The following LARP1B variants were observed in gnomAD, a reference collection of about 807,000 sequenced individuals.
LARP1B encodes La ribonucleoprotein 1B.
Under a neutral mutation model 114.2 loss-of-function variants are expected in LARP1B, and 76 were observed. The observed-to-expected ratio is 0.67, with a 90% CI of 0.55 to 0.81. The LOEUF is 0.81. Among genes scored for constraint, LARP1B ranks in the 30% least tolerant of loss-of-function variants. The probability of loss-of-function intolerance (pLI) is 0.00; values close to 1 mark genes in which losing one functional copy is unlikely to be tolerated. For synonymous variants in LARP1B, 345 were observed against 348.0 expected (o/e 0.99, Z 0.10); for missense variants, 1,014 against 1,075.8 (o/e 0.94, Z 0.80).
At chr4:128,153,518 C>G (rs1444641654) in intron 11 of LARP1B, among the ~76,000 whole-genome samples, 2 of 151,940 alleles carry the variant, frequency 1.3e-5, no homozygotes, top group Admixed American at 6.6e-5. Context: ...TTTGGCCAGG[C>G]TGGCCTCGAA....
intron 1 of LARP1B, among the ~76,000 whole-genome samples, chr4:128,062,448 G>A (rs1266019637): frequency 1.3e-5 from 2 of 152,230 alleles, no homozygotes; most frequent in African/African-American, 4.8e-5. Flanking sequence ...GGTTCTCCTT[G>A]CCTGATGGGG....
rs1039915476 is a variant in LARP1B, at chr4:128,211,584, G to T, written c.*1531G>T. 3.2e-6 allele frequency: 3 copies of T among 943,070 alleles called. No individual in the cohort carries two copies. Among genetic ancestry groups the T allele is most frequent in the South Asian group, 4.9e-5 (1 of 20,388 alleles). The allele number at this position is 943,070 out of a possible 1,614,324, so 58.4% of individuals were successfully genotyped here. A position where few individuals can be genotyped will look rare whatever the true frequency, so the allele number is the denominator to read the frequency against. ...TTTATTTAGATATATTGTAAAGAGG[G>T]TGCAAAACAAGCAATGGGTTAGAAT... On this transcript the variant is annotated 3_prime_UTR_variant, in exon 20 of 20. Transcript: ENST00000326639.
intron 12 of LARP1B, among the ~76,000 whole-genome samples, chr4:128,167,196 A>G (rs151272490): frequency 4.9e-4 from 75 of 151,892 alleles, no homozygotes; most frequent in Non-Finnish European, 8.8e-4. Flanking sequence ...ATATCTTTCT[A>G]TGGTGATGAT....
At chr4:128,062,282 C>T (rs1760445569) in intron 1 of LARP1B, 1 of 985,344 alleles carries the variant, frequency 1.0e-6, no homozygotes, top group Non-Finnish European at 1.2e-6. Context: ...GCGGGACTTG[C>T]CGGCGCGTGG....
At chr4:128,094,461 C>G (rs1235988733) in intron 7 of LARP1B, among the ~76,000 whole-genome samples, 6 of 142,370 alleles carry the variant, frequency 4.2e-5, no homozygotes, top group Non-Finnish European at 7.5e-5. Context: ...AGTACAGTGG[C>G]GCAATCTCGG....
intron 10 of LARP1B, among the ~76,000 whole-genome samples, chr4:128,120,236 A>G (rs1187076641): frequency 1.3e-5 from 2 of 152,132 alleles, no homozygotes; most frequent in South Asian, 2.1e-4. Flanking sequence ...ATGGATCTAC[A>G]TTATTGGGAA....
intron 8 of LARP1B, among the ~76,000 whole-genome samples, chr4:128,098,768 T>TATATATATATATATATATATATATATA (rs58280279): frequency 1.1e-4 from 2 of 18,878 alleles, no homozygotes; most frequent in Non-Finnish European, 9.2e-5. Flanking sequence ...TATATATATA[T>TATATATATATATATATATATATATATA]TTTTTTTTTT....
Position 128,117,709 on chromosome 4 carries a change from G to A in LARP1B, c.1161+2967G>A, listed in dbSNP as rs188973539. ...TAATTTTTGTATATTTAGTAGAGAC[G>A]TGGTTTCACTATGTTGGCCAGGCTG... On this transcript the variant is annotated intron_variant, in intron 10 of 19. Transcript: ENST00000326639. Among the ~76,000 whole-genome samples, 352 of 151,854 alleles carry A rather than the reference G, an allele frequency of 2.3e-3. 6 individuals carry two copies. Among genetic ancestry groups the A allele is most frequent in the Non-Finnish European group, 8.1e-4 (55 of 67,938 alleles).
intron 4 of LARP1B, among the ~76,000 whole-genome samples, chr4:128,079,650 A>G (rs1769477420): frequency 6.6e-6 from 1 of 151,910 alleles, no homozygotes; most frequent in African/African-American, 2.4e-5. Flanking sequence ...TGCAGCCTCG[A>G]TGACCTGGGC....
At chr4:128,088,248 A>G (rs562450077) in intron 5 of LARP1B, among the ~76,000 whole-genome samples, 1 of 152,234 alleles carries the variant, frequency 6.6e-6, no homozygotes, top group South Asian at 2.1e-4. Flanking sequence ...CCTGTTTAAG[A>G]AATGTATGTT....
intron 11 of LARP1B, chr4:128,123,422 A>G: frequency 1.1e-6 from 1 of 935,638 alleles, no homozygotes. Context: ...CAGAGATACT[A>G]GTACATTCTA....
chr4:128,160,675 G>A lies in LARP1B; in HGVS notation c.1525-1519G>A, dbSNP rs554604475. On this transcript the variant is annotated intron_variant, in intron 11 of 19. Coordinates refer to ENST00000326639, the MANE Select transcript of LARP1B (RefSeq NM_018078.4). ...ATACAATAATTATTTATAGAATTGG[G>A]AGTTGCTAATAGCAAGCTCTGTAGC... Among the ~76,000 whole-genome samples, 3 of 152,314 alleles carry A rather than the reference G, an allele frequency of 2.0e-5. No homozygotes were observed. In the East Asian group the frequency reaches 5.8e-4, roughly 29 times the overall value.
intron 17 of LARP1B, among the ~76,000 whole-genome samples, chr4:128,203,427 G>A (rs1037442319): frequency 2.7e-5 from 4 of 148,990 alleles, no homozygotes; most frequent in African/African-American, 5.0e-5. Context: ...AGGCTGGAGT[G>A]CAGTGTCGCG....
chr4:128,176,886 G>A lies in LARP1B; in HGVS notation c.1663G>A (p.Val555Met), dbSNP rs746151062. The part of the protein sequence containing the change: ...SQSRQGGVQG[V>M]LHIPKKDLTD... ...TCTCTTGGCAGGAGGTGTTCAAGGAGTGCTTCACATTCCCAAGAAAGGTAA... is the reference window on the plus strand; with the variant it reads ...TCTCTTGGCAGGAGGTGTTCAAGGAATGCTTCACATTCCCAAGAAAGGTAA... Residue 555 changes from valine (V) to methionine (M), a missense_variant, in exon 13 of 20, where the codon GTG becomes ATG. Coordinates refer to ENST00000326639, the MANE Select transcript of LARP1B (RefSeq NM_018078.4). 8.1e-6 allele frequency: 13 copies of A among 1,613,950 alleles called. No homozygotes were observed. Among genetic ancestry groups the A allele is most frequent in the South Asian group, 7.7e-5 (7 of 91,088 alleles).
chr4:128,171,523 C>G (rs1320632376), intron 12 of LARP1B, among the ~76,000 whole-genome samples: 1 of 152,126 alleles, frequency 6.6e-6, no homozygotes, highest in African/African-American at 2.4e-5. Context: ...GCGTGTTTTA[C>G]TTTCAAGCGT....
intron 11 of LARP1B, among the ~76,000 whole-genome samples, chr4:128,130,236 T>A (rs982840624): frequency 2.0e-5 from 3 of 152,116 alleles, no homozygotes; most frequent in African/African-American, 7.2e-5. Context: ...CTAGAAAATA[T>A]TTACAAATGA....
chr4:128,204,669 T>A (rs1301102188), intron 17 of LARP1B, among the ~76,000 whole-genome samples: 2 of 148,412 alleles, frequency 1.3e-5, no homozygotes, highest in Non-Finnish European at 3.0e-5. Flanking sequence ...AAAAAAAAAA[T>A]TAAAATTAAA....
intron 11 of LARP1B, among the ~76,000 whole-genome samples, chr4:128,148,397 CTCCAG>C (rs1262947314): frequency 6.6e-6 from 1 of 151,600 alleles, no homozygotes; most frequent in Non-Finnish European, 1.5e-5. Flanking sequence ...CACCATTGCA[CTCCAG>C]TCCAGCCTGG....
intron 9 of LARP1B, chr4:128,108,132 T>C (rs1782734800): frequency 1.5e-6 from 2 of 1,324,104 alleles, no homozygotes; most frequent in South Asian, 2.4e-5. Context: ...ACTCTTTTTA[T>C]AGGAGCTGCC....
Sources: allele counts gnomAD v4.1 joint callset (sites outside exome capture counted in the v4.1 genomes callset), GRCh38; gene constraint gnomAD v4.1.1; transcripts MANE v1.5; gene names NCBI Gene and HGNC (gene_info 2026-07-23, HGNC 2026-07-21).